PLBD1: variants seen among roughly 807,000 people sequenced by gnomAD.
PLBD1 encodes lysosomal leucine aminopeptidase.
In PLBD1, 60 loss-of-function variants were observed where a neutral mutation model predicts 63.0. The observed-to-expected ratio is 0.95, with a 90% CI of 0.77 to 1.18. The LOEUF is 1.18. Among genes scored for constraint, PLBD1 ranks in the 50% most tolerant of loss-of-function variants. The pLI is 0.00. For synonymous variants in PLBD1, 262 were observed against 248.0 expected, an observed-to-expected ratio of 1.06 and a Z score of -0.53; for missense variants, 598 against 677.9, an observed-to-expected ratio of 0.88 and a Z score of 1.31.
chr12:14,521,507 A>G (rs375279314), intron 6 of PLBD1, among the ~76,000 whole-genome samples: 23 of 152,268 alleles, frequency 1.5e-4, no homozygotes, highest in African/African-American at 5.5e-4. Flanking sequence ...CCTCCAGGCT[A>G]GGATGCCACT....
intron 6 of PLBD1, among the ~76,000 whole-genome samples, chr12:14,516,764 C>T (rs550342124): frequency 2.6e-4 from 39 of 152,202 alleles, no homozygotes; most frequent in African/African-American, 8.9e-4. Flanking sequence ...TGAGGCCAGG[C>T]AAGGTGGCTT....
chr12:14,530,816 A>G (rs970042220), intron 6 of PLBD1, among the ~76,000 whole-genome samples: 2 of 152,206 alleles, frequency 1.3e-5, no homozygotes, highest in African/African-American at 4.8e-5. Context: ...CATTGCCAAA[A>G]TAAGTAAATG....
intron 10 of PLBD1, among the ~76,000 whole-genome samples, chr12:14,504,387 ATTGTCT>A (rs757182696): frequency 2.6e-5 from 4 of 152,132 alleles, no homozygotes; most frequent in East Asian, 1.9e-4. Context: ...CATTTTTCAC[ATTGTCT>A]TTATATGATA....
chr12:14,511,465 C>G (rs368743830), intron 7 of PLBD1, 46 bp downstream of exon 7: 2 of 1,613,824 alleles, frequency 1.2e-6, no homozygotes, highest in African/African-American at 2.7e-5. Flanking sequence ...AAGCCTAAAT[C>G]AAAATATATG....
At chr12:14,557,126 C>T (rs1945712618) in intron 1 of PLBD1, among the ~76,000 whole-genome samples, 1 of 151,838 alleles carries the variant, frequency 6.6e-6, no homozygotes, top group African/African-American at 2.4e-5. Context: ...TGAAATACCA[C>T]TCCACATGAG....
At chr12:14,506,492 G>C (rs1218171269) in intron 9 of PLBD1, among the ~76,000 whole-genome samples, 1 of 152,188 alleles carries the variant, frequency 6.6e-6, no homozygotes, top group Non-Finnish European at 1.5e-5. Context: ...CTTACACAGT[G>C]AAAAATGGAT....
chr12:14,527,065 G>A (rs989040185), intron 6 of PLBD1, among the ~76,000 whole-genome samples: 3 of 152,160 alleles, frequency 2.0e-5, no homozygotes, highest in African/African-American at 7.2e-5. Context: ...ATGAGGTTTA[G>A]AACATATATA....
chr12:14,509,058 T>C (rs1227988390), intron 8 of PLBD1, among the ~76,000 whole-genome samples: 1 of 149,952 alleles, frequency 6.7e-6, no homozygotes, highest in Admixed American at 6.7e-5. Context: ...GGGCAAAACA[T>C]GTTTCTTTCT....
At chr12:14,543,416 G>T (rs1418395394) in intron 2 of PLBD1, among the ~76,000 whole-genome samples, 2 of 152,008 alleles carry the variant, frequency 1.3e-5, no homozygotes, top group East Asian at 1.9e-4. Flanking sequence ...TAAAAATTTT[G>T]ATTTAAAAAT....
intron 6 of PLBD1, among the ~76,000 whole-genome samples, chr12:14,524,739 G>A (rs920071708): frequency 6.6e-6 from 1 of 152,178 alleles, no homozygotes; most frequent in Non-Finnish European, 1.5e-5. Context: ...CCACACTTAA[G>A]TCACTGGAAA....
At chr12:14,539,184 G>T (rs1945545533) in intron 4 of PLBD1, among the ~76,000 whole-genome samples, 1 of 152,042 alleles carries the variant, frequency 6.6e-6, no homozygotes, top group African/African-American at 2.4e-5. Flanking sequence ...ACACTGCTTA[G>T]AAGAGTGAGG....
At chr12:14,550,087 G>A (rs1208294732) in intron 2 of PLBD1, among the ~76,000 whole-genome samples, 1 of 152,176 alleles carries the variant, frequency 6.6e-6, no homozygotes, top group Non-Finnish European at 1.5e-5. Flanking sequence ...AAACGCAGTA[G>A]TTCTCTTCTA....
chr12:14,508,936 C>A (rs535829101), intron 8 of PLBD1, among the ~76,000 whole-genome samples: 2 of 152,188 alleles, frequency 1.3e-5, no homozygotes, highest in African/African-American at 4.8e-5. Flanking sequence ...ACTAAAACAT[C>A]CAGGGCTTCT....
intron 6 of PLBD1, among the ~76,000 whole-genome samples, chr12:14,524,849 T>A (rs1437800035): frequency 2.6e-5 from 4 of 152,164 alleles, no homozygotes; most frequent in Non-Finnish European, 4.4e-5. Flanking sequence ...AACATAAAAT[T>A]AGAAATTAAA....
chr12:14,538,096 AT>A (rs1418050048), intron 4 of PLBD1, among the ~76,000 whole-genome samples: 1 of 151,150 alleles, frequency 6.6e-6, no homozygotes, highest in Non-Finnish European at 1.5e-5. Context: ...GTTCACCTTG[AT>A]TTTTTTTGTC....
At position 14,540,797 on chromosome 12, in the gene PLBD1, T is replaced by A; in HGVS notation, c.525A>T (p.Gly175=). The change falls in exon 4 of 11, where the codon GGA becomes GGT. Residue 175 remains glycine, a synonymous_variant. Transcript: ENST00000240617. ...VMAQIDGLYV[G]AKKRAILEGT... Reference sequence around the variant, plus strand: ...CTTCTAATATAGCCCTCTTCTTTGCTCCTACATAGAGGCCATCTATTTGTG... The same window carrying A: ...CTTCTAATATAGCCCTCTTCTTTGCACCTACATAGAGGCCATCTATTTGTG... 1 of 1,609,192 alleles carries A rather than the reference T, an allele frequency of 6.2e-7. No individual in the cohort carries two copies. Among genetic ancestry groups the A allele is most frequent in the East Asian group, 2.2e-5 (1 of 44,804 alleles).
At chr12:14,508,071 A>G (rs1286588800) in intron 8 of PLBD1, among the ~76,000 whole-genome samples, 1 of 152,240 alleles carries the variant, frequency 6.6e-6, no homozygotes, top group Non-Finnish European at 1.5e-5. Flanking sequence ...TAAGACATTC[A>G]GCCTTGCTAA....
In PLBD1 at chr12:14,544,237, G is replaced by A. The variant is rs1244563884; in HGVS notation, c.336-1946C>T. ...CACCCAGGCTGGAGGGCTGCGGTGCGATCTTGGTTCACTGCAACCGCCGCC... is the reference window on the plus strand; with the variant it reads ...CACCCAGGCTGGAGGGCTGCGGTGCAATCTTGGTTCACTGCAACCGCCGCC... On this transcript the variant is annotated intron_variant, in intron 2 of 10. Transcript: ENST00000240617. Among the ~76,000 whole-genome samples the A allele has an allele frequency of 4.6e-5, 7 of 152,172 alleles. No individual in the cohort carries two copies. The South Asian group carries it at 1.2e-3, about 27-fold the overall frequency.
chr12:14,551,803 C>G (rs951682759), intron 2 of PLBD1, among the ~76,000 whole-genome samples: 1 of 152,072 alleles, frequency 6.6e-6, no homozygotes, highest in African/African-American at 2.4e-5. Flanking sequence ...TTCAAACTCA[C>G]GACTCAATTT....
Sources: gnomAD v4.1 joint callset for allele counts (sites outside exome capture counted in the v4.1 genomes callset) on GRCh38, gnomAD v4.1.1 for gene constraint, MANE v1.5 for transcripts, NCBI Gene and HGNC (gene_info 2026-07-23, HGNC 2026-07-21) for gene names.